The following RGS8 variants were observed in gnomAD, a reference collection of about 807,000 sequenced individuals.
RGS8 encodes the protein regulator of G-protein signaling 8.
Under a neutral mutation model 21.7 loss-of-function variants are expected in RGS8, and 8 were observed. The observed-to-expected ratio is 0.37, with a 90% CI of 0.22 to 0.66. The LOEUF (loss-of-function observed/expected upper bound fraction) is 0.66. Ranked by LOEUF, RGS8 falls within the 30% of genes least tolerant of loss-of-function variation. The pLI is 0.59. For missense variants in RGS8, 157 were observed against 217.9 expected, an observed-to-expected ratio of 0.72 and a Z score of 1.76; for synonymous variants, 80 against 83.6, an observed-to-expected ratio of 0.96 and a Z score of 0.24.
rs746595077 is a variant in RGS8 at position 182,646,786 on chromosome 1, C to T, written c.492G>A (p.Arg164=). The T allele has an allele frequency of 7.2e-5, 117 of 1,614,070 alleles. 1 individual carries two copies. The East Asian group carries it at 2.6e-3, about 36-fold the overall frequency. The change falls in exon 7 of 7, where the codon AGG becomes AGA. Residue 164 remains arginine, a synonymous_variant. Coordinates refer to ENST00000483095, the Ensembl canonical transcript of RGS8. ...ACAGCAGATCTAAGTACATTTTGGACCTCAGGAACCTGGGGTAAGAGTCTT... is the reference window on the plus strand; with the variant it reads ...ACAGCAGATCTAAGTACATTTTGGATCTCAGGAACCTGGGGTAAGAGTCTT...
upstream of RGS8, among the ~76,000 whole-genome samples, chr1:182,687,496 G>A (rs1400803425): frequency 1.3e-5 from 2 of 152,208 alleles, no homozygotes; most frequent in African/African-American, 4.8e-5. Flanking sequence ...GGAACCCAGG[G>A]CTCTGCCAGA....
intron 1 of RGS8, among the ~76,000 whole-genome samples, chr1:182,682,639 G>A (rs1393531020): frequency 6.6e-6 from 1 of 152,174 alleles, no homozygotes; most frequent in Non-Finnish European, 1.5e-5. Flanking sequence ...TCATTTTACA[G>A]ATGAAGCTGC....
At chr1:182,647,698 C>T (rs778307071) in intron 6 of RGS8, among the ~76,000 whole-genome samples, 24 of 151,466 alleles carry the variant, frequency 1.6e-4, no homozygotes, top group Middle Eastern at 3.4e-3. Context: ...AAAGTAGGTA[C>T]GCTTTTACAT....
Position 182,669,749 on chromosome 1 carries a change from T to C in RGS8, c.-100A>G. On this transcript the variant is annotated 5_prime_UTR_variant, in exon 3 of 7. The change abolishes the stop of an existing upstream ORF in the 5' untranslated region. Coordinates refer to ENST00000483095, the Ensembl canonical transcript of RGS8. ...CAGGAATTTACCCTTGCACGTCCTC[T>C]CACCTAAAATCAAAGAATCTGCTGT... The C allele has an allele frequency of 6.3e-7, 1 of 1,587,244 alleles. No homozygotes were observed. Among genetic ancestry groups the C allele is most frequent in the Non-Finnish European group, 8.6e-7 (1 of 1,164,916 alleles).
chr1:182,670,207 G>A (rs560068221), intron 2 of RGS8, among the ~76,000 whole-genome samples: 7 of 152,276 alleles, frequency 4.6e-5, no homozygotes, highest in Admixed American at 2.0e-4. Flanking sequence ...GTGGAGACTC[G>A]GGAAAGTGGG....
At chr1:182,694,043 C>T in the RGS8 span, among the ~76,000 whole-genome samples, 2 of 151,030 alleles carry the variant, frequency 1.3e-5, no homozygotes, top group Non-Finnish European at 2.9e-5. Flanking sequence ...ACATGGGTGA[C>T]AAAATAACCT....
chr1:182,666,440 G>A (rs1437127295), intron 4 of RGS8, among the ~76,000 whole-genome samples: 2 of 152,190 alleles, frequency 1.3e-5, no homozygotes. Flanking sequence ...TTACATAGTT[G>A]TGTGAGGGTC....
chr1:182,678,659 T>C (rs747471678), intron 1 of RGS8, among the ~76,000 whole-genome samples: 32 of 152,208 alleles, frequency 2.1e-4, no homozygotes, highest in Non-Finnish European at 3.8e-4. Flanking sequence ...TTCAGGGCCA[T>C]ATGTTAACAC....
chr1:182,663,756 T>C (rs1663717016), intron 5 of RGS8, among the ~76,000 whole-genome samples: 2 of 152,168 alleles, frequency 1.3e-5, no homozygotes, highest in South Asian at 4.1e-4. Flanking sequence ...CCTGAACTCC[T>C]AAGCTCAAGT....
At chr1:182,724,246 A>ATATATATC in the RGS8 span, among the ~76,000 whole-genome samples, 44 of 107,132 alleles carry the variant, frequency 4.1e-4, 1 homozygote, top group Non-Finnish European at 5.1e-4. Flanking sequence ...ATATATATAT[A>ATATATATC]TCCTATTATT....
chr1:182,660,527 T>C (rs1359765741), intron 5 of RGS8, among the ~76,000 whole-genome samples: 1 of 151,906 alleles, frequency 6.6e-6, no homozygotes, highest in Non-Finnish European at 1.5e-5. Context: ...TTATCCTGAA[T>C]ATATCCAGAA....
the RGS8 span, among the ~76,000 whole-genome samples, chr1:182,715,676 G>A: frequency 6.6e-6 from 1 of 152,080 alleles, no homozygotes; most frequent in African/African-American, 2.4e-5. Flanking sequence ...CCACATTTTT[G>A]GAACATCTGA....
At chr1:182,699,849 G>A in the RGS8 span, among the ~76,000 whole-genome samples, 1 of 152,216 alleles carries the variant, frequency 6.6e-6, no homozygotes, top group African/African-American at 2.4e-5. Flanking sequence ...GGACTATAAT[G>A]AATGCCGTGT....
chr1:182,747,864 G>C, the RGS8 span, among the ~76,000 whole-genome samples: 2 of 137,940 alleles, frequency 1.4e-5, no homozygotes, highest in African/African-American at 5.2e-5. Context: ...AAAAAAAAAG[G>C]TAGTCCAGGC....
At chr1:182,657,739 T>C (rs994524268) in intron 5 of RGS8, among the ~76,000 whole-genome samples, 4 of 152,218 alleles carry the variant, frequency 2.6e-5, no homozygotes, top group African/African-American at 9.6e-5. Flanking sequence ...ATCTGCTCCA[T>C]AGGGTTCTGG....
downstream of RGS8, chr1:182,645,307 C>CCAGAGGA (rs1467643797): frequency 4.6e-5 from 7 of 152,366 alleles, no homozygotes; most frequent in African/African-American, 1.7e-4. Flanking sequence ...CCAATAGTAA[C>CCAGAGGA]TCCACTCTGT....
chr1:182,681,557 T>A (rs938844794), intron 1 of RGS8, among the ~76,000 whole-genome samples: 1 of 151,152 alleles, frequency 6.6e-6, no homozygotes, highest in Non-Finnish European at 1.5e-5. Flanking sequence ...GACCCAGGAG[T>A]GGGGTTCGGC....
intron 5 of RGS8, among the ~76,000 whole-genome samples, chr1:182,660,994 C>T (rs59626132): frequency 0.032 from 4,841 of 151,772 alleles, 150 homozygotes; most frequent in African/African-American, 0.075. Flanking sequence ...TGAATGGAAG[C>T]CTGACTGTTC....
chr1:182,662,717 A>ACAC lies in RGS8; in HGVS notation c.193+3251_193+3252insGTG, dbSNP rs1557891549. ...GGAATCTTGAGGCCACCCAGCGTGT[A>ACAC]GTCAGCACACTGCATTGTTTCCTGT... On this transcript the variant is annotated intron_variant, in intron 5 of 6. Transcript: ENST00000483095. Among the ~76,000 whole-genome samples, 19 of 152,330 alleles carry ACAC rather than the reference A, an allele frequency of 1.2e-4. No homozygotes were observed. The South Asian group carries it at 3.7e-3, about 30-fold the overall frequency.
Sources: allele counts gnomAD v4.1 joint callset (sites outside exome capture counted in the v4.1 genomes callset), GRCh38; gene constraint gnomAD v4.1.1; transcripts MANE v1.5; gene names NCBI Gene and HGNC (gene_info 2026-07-23, HGNC 2026-07-21).